The following TMEM132C variants were observed in gnomAD, a reference collection of about 807,000 sequenced individuals.
The protein encoded by TMEM132C is transmembrane protein 132C.
In TMEM132C, 29 loss-of-function variants were observed where a neutral mutation model predicts 61.4. The observed-to-expected ratio is 0.47, with a 90% CI of 0.35 to 0.64. The LOEUF (loss-of-function observed/expected upper bound fraction) is 0.64. Ranked by LOEUF, TMEM132C falls within the 30% of genes least tolerant of loss-of-function variation. TMEM132C has a pLI of 0.00. For missense variants in TMEM132C, 1,408 were observed against 1,476.9 expected, an observed-to-expected ratio of 0.95 and a Z score of 0.76; for synonymous variants, 656 against 633.1, an observed-to-expected ratio of 1.04 and a Z score of -0.54.
At chr12:128,507,563 T>C (rs1166165524) in intron 2 of TMEM132C, among the ~76,000 whole-genome samples, 1 of 152,096 alleles carries the variant, frequency 6.6e-6, no homozygotes, top group African/African-American at 2.4e-5. Context: ...TGAGAGATGT[T>C]TGAAAAATCT....
At chr12:128,572,410 T>G (rs1216858523) in intron 3 of TMEM132C, among the ~76,000 whole-genome samples, 1 of 151,614 alleles carries the variant, frequency 6.6e-6, no homozygotes, top group East Asian at 1.9e-4. Flanking sequence ...ATACCAACTG[T>G]GGCTGGTGCT....
chr12:128,661,602 T>A (rs138915533), intron 4 of TMEM132C, among the ~76,000 whole-genome samples: 252 of 150,678 alleles, frequency 1.7e-3, no homozygotes, highest in African/African-American at 5.9e-3. Context: ...CATGGAGGGA[T>A]TCAGTTATTT....
chr12:128,590,757 C>CA (rs1875723240), intron 3 of TMEM132C, among the ~76,000 whole-genome samples: 1 of 152,160 alleles, frequency 6.6e-6, no homozygotes, highest in Non-Finnish European at 1.5e-5. Context: ...GAGGCTGGCT[C>CA]AGGCAGACAT....
intron 1 of TMEM132C, among the ~76,000 whole-genome samples, chr12:128,289,982 T>C (rs1871202859): frequency 6.6e-6 from 1 of 152,202 alleles, no homozygotes; most frequent in East Asian, 1.9e-4. Context: ...TATCAGCTGC[T>C]TTTCTTTCCT....
intron 3 of TMEM132C, among the ~76,000 whole-genome samples, chr12:128,563,917 A>G (rs569337933): frequency 6.6e-6 from 1 of 152,284 alleles, no homozygotes; most frequent in East Asian, 1.9e-4. Flanking sequence ...CTTGGCGATG[A>G]CCTTGAGCAA....
At chr12:128,328,241 G>C (rs189665884) in intron 1 of TMEM132C, among the ~76,000 whole-genome samples, 1 of 152,258 alleles carries the variant, frequency 6.6e-6, no homozygotes, top group East Asian at 1.9e-4. Context: ...CATAGACATG[G>C]TTGCTTAAAA....
At position 128,415,556 on chromosome 12, in the gene TMEM132C, G is replaced by A. The variant is rs746015423; in HGVS notation, c.910G>A (p.Gly304Arg). The A allele has an allele frequency of 1.3e-6, 2 of 1,551,156 alleles. No individual in the cohort carries two copies. The highest frequency in any genetic ancestry group is 2.4e-5 in the South Asian group (2 of 84,024). Residue 304 changes from glycine to arginine, a missense_variant, in exon 2 of 9, where the codon GGA becomes AGA. Coordinates refer to ENST00000435159, the MANE Select transcript of TMEM132C (RefSeq NM_001136103.3). The surrounding 1 kb of genome is among the most constrained non-coding windows in gnomAD (Gnocchi z 5.8). Reference protein sequence around the residue: ...IWLPSRPVKQGEVVTAYVTIS... With the variant: ...IWLPSRPVKQREVVTAYVTIS... ...GCTGCCTTCCAGGCCAGTCAAGCAG[G>A]GAGAGGTGGTCACGGCCTATGTCAC... is the stretch of plus-strand genomic sequence containing the variant.
intron 2 of TMEM132C, among the ~76,000 whole-genome samples, chr12:128,473,271 T>C (rs61940031): frequency 0.15 from 143 of 950 alleles, no homozygotes; most frequent in Non-Finnish European, 0.17. Flanking sequence ...CTCCAACCCC[T>C]ATCTTCATCT....
intron 4 of TMEM132C, among the ~76,000 whole-genome samples, chr12:128,652,696 T>A (rs953128362): frequency 6.6e-6 from 1 of 152,198 alleles, no homozygotes; most frequent in Non-Finnish European, 1.5e-5. Flanking sequence ...GTAAAGCCCT[T>A]CTGGAGCCCC....
chr12:128,681,974 T>C (rs1954639214), intron 5 of TMEM132C, among the ~76,000 whole-genome samples: 1 of 152,020 alleles, frequency 6.6e-6, no homozygotes, highest in Non-Finnish European at 1.5e-5. Context: ...CCGGCCCAGA[T>C]GGTATCTTTA....
intron 2 of TMEM132C, among the ~76,000 whole-genome samples, chr12:128,490,725 G>A (rs189129664): frequency 1.5e-4 from 23 of 152,318 alleles, no homozygotes; most frequent in African/African-American, 5.3e-4. Flanking sequence ...CAGGGGAATA[G>A]GGTTTAAGAA....
At chr12:128,457,586 A>T (rs1396685371) in intron 2 of TMEM132C, among the ~76,000 whole-genome samples, 1 of 151,906 alleles carries the variant, frequency 6.6e-6, no homozygotes, top group Non-Finnish European at 1.5e-5. Flanking sequence ...AAAAAAAAAA[A>T]AAAAAATTAG....
At chr12:128,595,572 G>A (rs942457649) in intron 3 of TMEM132C, among the ~76,000 whole-genome samples, 3 of 152,158 alleles carry the variant, frequency 2.0e-5, no homozygotes, top group Non-Finnish European at 4.4e-5. Context: ...GGACCCATGC[G>A]GTGAAGAGGA....
At chr12:128,347,395 ATGTCTCTCTCTCTC>A (rs1368889043) in intron 1 of TMEM132C, among the ~76,000 whole-genome samples, 6 of 108,440 alleles carry the variant, frequency 5.5e-5, no homozygotes, top group African/African-American at 2.9e-4. Context: ...ATGCATATGT[ATGTCTCTCTCTCTC>A]TCTCTCTCTC....
In TMEM132C at chr12:128,705,498, T is replaced by C. The variant is rs1443617004; in HGVS notation, c.2530T>C (p.Ser844Pro). The change falls in exon 9 of 9, where the codon TCT becomes CCT. Residue 844 changes from serine (S) to proline (P), a missense_variant. Coordinates refer to ENST00000435159, the MANE Select transcript of TMEM132C (RefSeq NM_001136103.3). The stretch of plus-strand genomic sequence containing the variant: ...CCAAGATGGGCACCTCTATGGCAGC[T>C]CTCCCGTGGAGCGTGAGGAAGGGGC... ...TGQDGHLYGS[S>P]PVEREEGALR... 6.4e-7 allele frequency: 1 copy of C among 1,550,722 alleles called. No individual in the cohort carries two copies. Among genetic ancestry groups the C allele is most frequent in the Non-Finnish European group, 8.7e-7 (1 of 1,146,922 alleles).
chr12:128,484,971 G>A (rs577118915), intron 2 of TMEM132C, among the ~76,000 whole-genome samples: 2 of 152,138 alleles, frequency 1.3e-5, no homozygotes, highest in East Asian at 3.9e-4. Context: ...AAAGAGGCAG[G>A]GAGGGAAGGA....
chr12:128,685,757 GC>G (rs58825163), intron 5 of TMEM132C, among the ~76,000 whole-genome samples: 49,815 of 151,668 alleles, frequency 0.33, 8,167 homozygotes, highest in Middle Eastern at 0.37. Flanking sequence ...GGGGTGACTG[GC>G]TGTGTTTAAA....
chr12:128,662,681 G>A (rs1484603533), intron 4 of TMEM132C, among the ~76,000 whole-genome samples: 1 of 152,168 alleles, frequency 6.6e-6, no homozygotes, highest in African/African-American at 2.4e-5. Context: ...ATGGGTTTGG[G>A]GTAGCGGTGA....
chr12:128,502,621 A>G (rs141550346), intron 2 of TMEM132C, among the ~76,000 whole-genome samples: 5 of 152,340 alleles, frequency 3.3e-5, no homozygotes, highest in Non-Finnish European at 7.3e-5. Context: ...GTCCCCGACC[A>G]GCTGCGATGT....
Sources: gnomAD v4.1 joint callset for allele counts (sites outside exome capture counted in the v4.1 genomes callset) on GRCh38, gnomAD v4.1.1 for gene constraint, Gnocchi (gnomAD v3.1) non-coding constraint, MANE v1.5 for transcripts, NCBI Gene and HGNC (gene_info 2026-07-23, HGNC 2026-07-21) for gene names.